PECAM1: variants seen among roughly 807,000 people sequenced by gnomAD.
PECAM1 encodes platelet and endothelial cell adhesion molecule 1, also known as platelet endothelial cell adhesion molecule.
Under a neutral mutation model 13.8 loss-of-function variants are expected in PECAM1, and 8 were observed. That is an observed-to-expected ratio of 0.58 (90% confidence interval 0.34 to 1.05). PECAM1 has a LOEUF of 1.05. PECAM1 is among the 50% of genes least tolerant of loss of function. PECAM1 has a pLI of 0.03. For synonymous variants in PECAM1, 136 were observed against 52.6 expected, an observed-to-expected ratio of 2.58 and a Z score of -6.86; for missense variants, 304 against 141.2, an observed-to-expected ratio of 2.15 and a Z score of -5.84.
chr17:64,348,084 G>A (rs938828616), intron 13 of PECAM1, among the ~76,000 whole-genome samples, 176 bp downstream of exon 13: 1 of 152,216 alleles, frequency 6.6e-6, no homozygotes, highest in African/African-American at 2.4e-5. Flanking sequence ...GACAGGGCCA[G>A]GGCCAGGGGC....
chr17:64,347,728 A>T (rs893398437), intron 13 of PECAM1, among the ~76,000 whole-genome samples: 5,666 of 143,126 alleles, frequency 0.04, 160 homozygotes, highest in Middle Eastern at 0.066. Flanking sequence ...TATATATTTT[A>T]TATATATATA....
chr17:64,341,254 A>G (rs1303469829), intron 14 of PECAM1, among the ~76,000 whole-genome samples: 1 of 150,578 alleles, frequency 6.6e-6, no homozygotes, highest in African/African-American at 2.5e-5. Flanking sequence ...ACAGAGCGAG[A>G]CTCCATATCC....
At position 64,333,732 on chromosome 17, in the gene PECAM1, C is replaced by T. The variant is rs987943379; in HGVS notation, c.2165-4010G>A. On this transcript the variant is annotated intron_variant, in intron 14 of 15. Coordinates refer to ENST00000563924, the MANE Select transcript of PECAM1 (RefSeq NM_000442.5). ...CAGCACTTTGGGAGGCTGAGGCGGGCGGATTGCTTGAGCTCTGGAGTTCAA... is the reference window on the plus strand; with the variant it reads ...CAGCACTTTGGGAGGCTGAGGCGGGTGGATTGCTTGAGCTCTGGAGTTCAA... Among the ~76,000 whole-genome samples, 154 of 151,346 alleles carry T rather than the reference C, an allele frequency of 1.0e-3. 1 individual carries two copies. Among genetic ancestry groups the T allele is most frequent in the African/African-American group, 3.6e-3 (148 of 41,250 alleles).
intron 14 of PECAM1, among the ~76,000 whole-genome samples, chr17:64,332,837 G>A (rs782557083): frequency 6.6e-6 from 1 of 152,240 alleles, no homozygotes; most frequent in Non-Finnish European, 1.5e-5. Flanking sequence ...CACCCTGGAA[G>A]TCTGAATTCC....
At position 64,375,142 on chromosome 17, in the gene PECAM1, G is replaced by A. The variant is rs1464043354; in HGVS notation, c.600C>T (p.Arg200=). Residue 200 remains arginine (R), a synonymous_variant, in exon 4 of 16, where the codon CGC becomes CGT. Coordinates refer to ENST00000563924, the MANE Select transcript of PECAM1 (RefSeq NM_000442.5). ...ILEFPVEEQD[R]VLSFRCQARI... ...TAGCTTGACATCGGAAGGATAAAAC[G>A]CGGTCCTGTTCCTCAACGGGGAATT... The A allele has an allele frequency of 3.8e-5, 18 of 475,256 alleles. No individual in the cohort carries two copies. Among genetic ancestry groups the A allele is most frequent in the Admixed American group, 3.2e-4 (10 of 31,726 alleles). The allele number at this position is 475,256 out of a possible 1,614,324, so 29.4% of individuals were successfully genotyped here.
chr17:64,378,216 A>G (rs1474649168), intron 2 of PECAM1, 99 bp from the exon 3 acceptor site: 2 of 405,508 alleles, frequency 4.9e-6, no homozygotes, highest in Non-Finnish European at 8.8e-6. Flanking sequence ...ATCCCATCCT[A>G]TGCAGTATTG....
rs2036401082 is a variant in PECAM1, at chr17:64,378,015, G to A, written c.194C>T (p.Ser65Phe). ...LQCFADVSTT[S>F]HVKPQHQMLF... ...CATCTGGTGCTGAGGCTTGACGTGA[G>A]AGGTGGTGCTGACATCCGCGAAGCA... The change falls in exon 3 of 16, where the codon TCT becomes TTT. Residue 65 changes from serine (S) to phenylalanine (F), a missense_variant. Coordinates refer to ENST00000563924, the MANE Select transcript of PECAM1 (RefSeq NM_000442.5). The A allele has an allele frequency of 4.2e-6, 2 of 475,246 alleles. No homozygotes were observed. The highest frequency in any genetic ancestry group is 2.0e-5 in the African/African-American group (1 of 50,500). The allele number at this position is 475,246 out of a possible 1,614,324, so 29.4% of individuals were successfully genotyped here. A position where few individuals can be genotyped will look rare whatever the true frequency, so the allele number is the denominator to read the frequency against.
At chr17:64,342,140 A>G (rs2035447833) in intron 13 of PECAM1, among the ~76,000 whole-genome samples, 1 of 117,206 alleles carries the variant, frequency 8.5e-6, no homozygotes, top group African/African-American at 3.1e-5. Context: ...ACACAGTGAC[A>G]CACCACCTCA....
chr17:64,338,805 C>T (rs1033767564), intron 14 of PECAM1, among the ~76,000 whole-genome samples: 8 of 152,094 alleles, frequency 5.3e-5, no homozygotes, highest in Admixed American at 2.0e-4. Context: ...GTGATCCACC[C>T]GCCTCGGCCT....
At chr17:64,342,755 C>T (rs988766300) in intron 13 of PECAM1, among the ~76,000 whole-genome samples, 2 of 152,072 alleles carry the variant, frequency 1.3e-5, no homozygotes, top group Non-Finnish European at 2.9e-5. Flanking sequence ...CCCTTCCTGC[C>T]ATCTGTTTAC....
In PECAM1 at chr17:64,329,584, A is replaced by G. The variant is rs1421579382; in HGVS notation, c.2187+116T>C. On this transcript the variant is annotated intron_variant, in intron 15 of 15. Coordinates refer to ENST00000563924, the MANE Select transcript of PECAM1 (RefSeq NM_000442.5). ...GAGAAGCCCAGGGCTTCTGGTCTGAAACAGACTAGGGAGCGGGGAAGAATT... is the reference window on the plus strand; with the variant it reads ...GAGAAGCCCAGGGCTTCTGGTCTGAGACAGACTAGGGAGCGGGGAAGAATT... 4.3e-6 allele frequency: 3 copies of G among 695,162 alleles called. No homozygotes were observed. The African/African-American group carries it at 5.3e-5, about 12-fold the overall frequency. 43.1% of individuals were successfully genotyped at this position (695,162 alleles called of 1,614,324 possible).
chr17:64,375,684 G>T (rs1026340654), intron 3 of PECAM1, among the ~76,000 whole-genome samples: 1 of 151,730 alleles, frequency 6.6e-6, no homozygotes, highest in African/African-American at 2.4e-5. Flanking sequence ...ATTAGCCAGG[G>T]GTAGTTAGTG....
intron 14 of PECAM1, among the ~76,000 whole-genome samples, chr17:64,338,810 C>T (rs959626156): frequency 2.0e-4 from 30 of 152,144 alleles, no homozygotes; most frequent in African/African-American, 6.0e-4. Context: ...CCACCCGCCT[C>T]GGCCTCCCAA....
Position 64,385,373 on chromosome 17 carries a change from CT to C in PECAM1, c.91+5115del, listed in dbSNP as rs1232015785. ...GCGGCACCATCAGTCAGCCAGCCCC[CT>C]GGCCCTCAACCTGGAAATGACTCAG... On this transcript the variant is annotated intron_variant, in intron 2 of 15. Coordinates refer to ENST00000563924, the MANE Select transcript of PECAM1 (RefSeq NM_000442.5). Among the ~76,000 whole-genome samples the C allele has an allele frequency of 2.1e-3, 315 of 152,314 alleles. 1 individual carries two copies. Among genetic ancestry groups the C allele is most frequent in the African/African-American group, 7.2e-3 (301 of 41,568 alleles).
intron 2 of PECAM1, among the ~76,000 whole-genome samples, chr17:64,387,279 C>T (rs1376658242): frequency 6.6e-6 from 1 of 152,232 alleles, no homozygotes; most frequent in East Asian, 1.9e-4. Flanking sequence ...GACCCAACAG[C>T]CGGAGAAGTG....
intron 14 of PECAM1, among the ~76,000 whole-genome samples, chr17:64,330,938 T>C (rs1555646585): frequency 6.6e-6 from 1 of 152,216 alleles, no homozygotes; most frequent in Non-Finnish European, 1.5e-5. Flanking sequence ...TAAATGGATG[T>C]ACAACTATTG....
chr17:64,379,081 T>C (rs1464088598), intron 2 of PECAM1: 1 of 152,178 alleles, frequency 6.6e-6, no homozygotes, highest in Non-Finnish European at 1.5e-5. Context: ...GTTTTCAGCC[T>C]CACCTGCTAC....
intron 14 of PECAM1, among the ~76,000 whole-genome samples, chr17:64,338,433 T>G (rs1399448713): frequency 2.6e-5 from 4 of 151,796 alleles, no homozygotes; most frequent in African/African-American, 9.7e-5. Context: ...CCCCATAAAA[T>G]ATTTGTGGCC....
chr17:64,352,333 A>G (rs2035744714), intron 11 of PECAM1, 57 bp downstream of exon 11: 4 of 467,054 alleles, frequency 8.6e-6, no homozygotes. Flanking sequence ...TGAGAGGGCT[A>G]AGGAAGTATG....
Sources: allele counts gnomAD v4.1 joint callset (sites outside exome capture counted in the v4.1 genomes callset), GRCh38; gene constraint gnomAD v4.1.1; transcripts MANE v1.5; gene names NCBI Gene and HGNC (gene_info 2026-07-23, HGNC 2026-07-21).